The following SDC2 variants were observed in gnomAD, a reference collection of about 807,000 sequenced individuals.
The protein encoded by SDC2 is syndecan-2.
SDC2 carries 13 observed loss-of-function variants against 22.2 expected under a neutral mutation model. The observed-to-expected ratio is 0.59, with a 90% CI of 0.38 to 0.93. The LOEUF (loss-of-function observed/expected upper bound fraction) is 0.93. Ranked by LOEUF, SDC2 falls within the 40% of genes least tolerant of loss-of-function variation. The pLI is 0.00. For missense variants in SDC2, 235 were observed against 246.8 expected (o/e 0.95, Z 0.32); for synonymous variants, 94 against 92.8 (o/e 1.01, Z -0.07).
chr8:96,542,713 G>A (rs769625506), intron 1 of SDC2, among the ~76,000 whole-genome samples: 2 of 148,594 alleles, frequency 1.3e-5, no homozygotes, highest in South Asian at 2.1e-4. Flanking sequence ...AATTCAGGGC[G>A]GGGGTAAGTC....
At position 96,503,245 on chromosome 8, in the gene SDC2, G is replaced by A. The variant is rs138196585; in HGVS notation, c.60+8914G>A. Among the ~76,000 whole-genome samples, 49 of 152,282 alleles carry A rather than the reference G, an allele frequency of 3.2e-4. 1 individual carries two copies. In the East Asian group the frequency reaches 8.7e-3, roughly 27 times the overall value. Reference sequence around the variant, plus strand: ...CATTACCAGGTAAATAGTATTTAATGTCTTTGTTGAAGTCTCTTACTTATA... The same window carrying A: ...CATTACCAGGTAAATAGTATTTAATATCTTTGTTGAAGTCTCTTACTTATA... On this transcript the variant is annotated intron_variant, in intron 1 of 4. Transcript: ENST00000302190.
intron 1 of SDC2, among the ~76,000 whole-genome samples, chr8:96,547,453 T>A (rs1813952275): frequency 6.6e-6 from 1 of 152,210 alleles, no homozygotes; most frequent in African/African-American, 2.4e-5. Context: ...CACTGGGCTA[T>A]TTATGGAAGA....
chr8:96,504,730 C>T (rs1339812120), intron 1 of SDC2, among the ~76,000 whole-genome samples: 1 of 152,120 alleles, frequency 6.6e-6, no homozygotes, highest in East Asian at 1.9e-4. Context: ...TCACTTGCAT[C>T]CTGACTCTTA....
intron 1 of SDC2, among the ~76,000 whole-genome samples, chr8:96,545,985 A>T (rs2130524671): frequency 6.6e-6 from 1 of 152,374 alleles, no homozygotes; most frequent in South Asian, 2.1e-4. Flanking sequence ...GCAGCGAGGC[A>T]ACAGCAGTCA....
intron 1 of SDC2, among the ~76,000 whole-genome samples, chr8:96,564,984 T>A (rs1347256670): frequency 6.6e-6 from 1 of 151,878 alleles, no homozygotes; most frequent in Non-Finnish European, 1.5e-5. Flanking sequence ...TGCCTAGGTA[T>A]ATTTATTCTT....
chr8:96,539,333 T>C (rs1813808367), intron 1 of SDC2, among the ~76,000 whole-genome samples: 1 of 152,244 alleles, frequency 6.6e-6, no homozygotes. Context: ...TCAAACATTT[T>C]TGGGTACTTA....
chr8:96,508,805 C>G (rs953993274), intron 1 of SDC2, among the ~76,000 whole-genome samples: 3 of 142,024 alleles, frequency 2.1e-5, no homozygotes, highest in Non-Finnish European at 4.8e-5. Context: ...ATACTGTAAT[C>G]TTTCAAGAGA....
chr8:96,533,368 T>C (rs1813698036), intron 1 of SDC2, among the ~76,000 whole-genome samples: 1 of 152,168 alleles, frequency 6.6e-6, no homozygotes, highest in South Asian at 2.1e-4. Context: ...GATTGGTCTG[T>C]TTTGACAGGG....
chr8:96,593,703 C>A, intron 2 of SDC2, 112 bp downstream of exon 2: 2 of 664,504 alleles, frequency 3.0e-6, no homozygotes, highest in South Asian at 1.8e-5. Context: ...TTAAGGGCAC[C>A]GTCTTTGGAA....
intron 1 of SDC2, among the ~76,000 whole-genome samples, chr8:96,569,355 A>G (rs1384346450): frequency 6.6e-6 from 1 of 152,094 alleles, no homozygotes; most frequent in Non-Finnish European, 1.5e-5. Flanking sequence ...TTCCTCCATG[A>G]AATGCCTTCC....
At chr8:96,518,073 A>G (rs915431760) in intron 1 of SDC2, among the ~76,000 whole-genome samples, 2 of 151,946 alleles carry the variant, frequency 1.3e-5, no homozygotes, top group African/African-American at 2.4e-5. Context: ...TGCATTTTAG[A>G]TATCTCTAGT....
chr8:96,549,148 G>T (rs1257306692), intron 1 of SDC2, among the ~76,000 whole-genome samples: 1 of 152,114 alleles, frequency 6.6e-6, no homozygotes, highest in Non-Finnish European at 1.5e-5. Flanking sequence ...GAGTACTCTT[G>T]TACTAAAATG....
At chr8:96,544,695 G>A (rs1813904776) in intron 1 of SDC2, among the ~76,000 whole-genome samples, 1 of 152,096 alleles carries the variant, frequency 6.6e-6, no homozygotes, top group South Asian at 2.1e-4. Context: ...ACTTTGCACA[G>A]TGCCACATCC....
At chr8:96,602,675 AC>A in intron 3 of SDC2, 147 bp downstream of exon 3, 1 of 800,882 alleles carries the variant, frequency 1.2e-6, no homozygotes, top group Non-Finnish European at 1.9e-6. Flanking sequence ...CTTTTAAAAG[AC>A]CCCACTTAAA....
chr8:96,508,862 A>G lies in SDC2; in HGVS notation c.60+14531A>G, dbSNP rs116615504. 7.5e-3 allele frequency among the ~76,000 whole-genome samples: 1,065 copies of G among 142,260 alleles called. 128 individuals are homozygous for G. The highest frequency in any genetic ancestry group is 0.024 in the African/African-American group (971 of 39,932). 93.3% of individuals were successfully genotyped at this position (142,260 alleles called of 152,430 possible). On this transcript the variant is annotated intron_variant, in intron 1 of 4. Transcript: ENST00000302190. ...ATCACCAACTGTTTAATGTAGTCCA[A>G]TGGGTACAACCCTGGATCATGAAGT...
At chr8:96,494,583 G>A (rs536172256) in intron 1 of SDC2, among the ~76,000 whole-genome samples, 618 of 152,228 alleles carry the variant, frequency 4.1e-3, no homozygotes, top group Non-Finnish European at 6.5e-3. Flanking sequence ...TGGTCTAGCC[G>A]CAGAGGCCCC....
At chr8:96,554,801 G>A (rs944096996) in intron 1 of SDC2, among the ~76,000 whole-genome samples, 1 of 152,140 alleles carries the variant, frequency 6.6e-6, no homozygotes, top group Non-Finnish European at 1.5e-5. Context: ...TAGGGCTGCA[G>A]GTCTGGCGGC....
chr8:96,543,435 T>C (rs989227414), intron 1 of SDC2, among the ~76,000 whole-genome samples: 2 of 152,212 alleles, frequency 1.3e-5, no homozygotes, highest in African/African-American at 4.8e-5. Flanking sequence ...GGAAATTAGG[T>C]AGGACCATAT....
At chr8:96,495,381 C>T (rs1813056243) in intron 1 of SDC2, among the ~76,000 whole-genome samples, 2 of 152,168 alleles carry the variant, frequency 1.3e-5, no homozygotes, top group South Asian at 2.1e-4. Context: ...CAATGAGCGC[C>T]CTCTAAAGGG....
Sources: allele counts gnomAD v4.1 joint callset (sites outside exome capture counted in the v4.1 genomes callset), GRCh38; gene constraint gnomAD v4.1.1; transcripts MANE v1.5; gene names NCBI Gene and HGNC (gene_info 2026-07-23, HGNC 2026-07-21).